NLRP4: variants seen among roughly 807,000 people sequenced by gnomAD.
NLRP4 encodes NLR family pyrin domain containing 4.
In NLRP4, 44 loss-of-function variants were observed where a neutral mutation model predicts 84.7. That is an observed-to-expected ratio of 0.52 (90% CI 0.41 to 0.67). The LOEUF is 0.67. NLRP4 is among the 30% of genes least tolerant of loss of function. The probability of loss-of-function intolerance (pLI) is 0.00; values close to 1 mark genes in which losing one functional copy is unlikely to be tolerated. For missense variants in NLRP4, 1,260 were observed against 1,219.4 expected (o/e 1.03, Z -0.50); for synonymous variants, 544 against 476.4 (o/e 1.14, Z -1.85).
Position 55,847,154 on chromosome 19 carries a change from AG to A in NLRP4, c.-65-4854del, listed in dbSNP as rs148650884. Among the ~76,000 whole-genome samples, 331 of 147,178 alleles carry A rather than the reference AG, an allele frequency of 2.2e-3. 3 individuals carry two copies. The highest frequency in any genetic ancestry group is 8.5e-3 in the African/African-American group (317 of 37,314). On this transcript the variant is annotated intron_variant, in intron 1 of 9. Transcript: ENST00000301295. ...TTCTCCAAATTACCTATTTTATTTG[AG>A]GGGGGGGCAGCAACATTCTGCCTAA... is the stretch of plus-strand genomic sequence containing the variant.
chr19:55,857,498 T>G, intron 2 of NLRP4, 176 bp from the exon 3 acceptor site: 1 of 608,650 alleles, frequency 1.6e-6, no homozygotes, highest in South Asian at 2.1e-5. Context: ...AATATACCCG[T>G]GAATGGTGTA....
chr19:55,861,870 C>G (rs774884621), intron 4 of NLRP4, 122 bp from the exon 5 acceptor site: 68 of 758,232 alleles, frequency 9.0e-5, no homozygotes, highest in Non-Finnish European at 1.5e-4. Context: ...AACTACTGAG[C>G]TGTGTCATTG....
rs566121087 is a variant in NLRP4 at position 55,878,542 on chromosome 19, G to A, written c.2697-252G>A. 5.9e-5 allele frequency among the ~76,000 whole-genome samples: 9 copies of A among 152,394 alleles called. No homozygotes were observed. The South Asian group carries it at 1.2e-3, about 21-fold the overall frequency. ...ATTATCCAAAGCAAGGTATGAAGCC[G>A]GAAATAGACTCTGTTAGTGGAATGA... is the stretch of plus-strand genomic sequence containing the variant. On this transcript the variant is annotated intron_variant, in intron 8 of 9. Coordinates refer to ENST00000301295, the MANE Select transcript of NLRP4 (RefSeq NM_134444.5).
Position 55,852,143 on chromosome 19 carries a change from G to A in NLRP4, c.63G>A (p.Glu21=). The A allele has an allele frequency of 6.2e-7, 1 of 1,607,146 alleles. No individual in the cohort carries two copies. The highest frequency in any genetic ancestry group is 8.5e-7 in the Non-Finnish European group (1 of 1,177,598). ...GGTATCTGGAGGAGCTCAAAAAGGA[G>A]GAGTTCAGGAAATTTAAAGAACATC... ...LMWYLEELKK[E]EFRKFKEHLK... Residue 21 remains glutamate, a synonymous_variant, in exon 2 of 10, where the codon GAG becomes GAA. Transcript: ENST00000301295.
In NLRP4 at chr19:55,881,627, G is replaced by C. The variant is rs1009987462; in HGVS notation, c.*40G>C. ...GGCTCTGACTCGAACACCTGCAAAG[G>C]ACAGGGACTGGGACCGTTACTTACA... On this transcript the variant is annotated 3_prime_UTR_variant, in exon 10 of 10. Coordinates refer to ENST00000301295, the MANE Select transcript of NLRP4 (RefSeq NM_134444.5). The C allele has an allele frequency of 2.1e-6, 2 of 948,792 alleles. No homozygotes were observed. Among genetic ancestry groups the C allele is most frequent in the Admixed American group, 3.7e-5 (2 of 54,130 alleles). The allele number at this position is 948,792 out of a possible 1,614,324, so 58.8% of individuals were successfully genotyped here. A position where few individuals can be genotyped will look rare whatever the true frequency, so the allele number is the denominator to read the frequency against.
chr19:55,848,047 C>G (rs1431106751), intron 1 of NLRP4, among the ~76,000 whole-genome samples: 1 of 152,042 alleles, frequency 6.6e-6, no homozygotes, highest in Non-Finnish European at 1.5e-5. Flanking sequence ...TGGACCTCAT[C>G]TAGGATCCCC....
At chr19:55,844,257 CAT>C (rs749940769) in intron 1 of NLRP4, among the ~76,000 whole-genome samples, 2 of 151,988 alleles carry the variant, frequency 1.3e-5, no homozygotes, top group Non-Finnish European at 1.5e-5. Flanking sequence ...TCCCTCTATT[CAT>C]ATGTGTCCAG....
At chr19:55,870,689 T>TA in intron 6 of NLRP4, 138 bp from the exon 7 acceptor site, 1 of 622,730 alleles carries the variant, frequency 1.6e-6, no homozygotes, top group Non-Finnish European at 2.8e-6. Context: ...AGGAGGTGTT[T>TA]TCAGATAATC....
chr19:55,860,645 GC>G (rs1468918636), intron 3 of NLRP4, among the ~76,000 whole-genome samples: 3 of 152,090 alleles, frequency 2.0e-5, no homozygotes, highest in African/African-American at 7.2e-5. Flanking sequence ...GGAAACTGGG[GC>G]AAAGAAGTCA....
At chr19:55,845,215 C>T (rs1983750484) in intron 1 of NLRP4, among the ~76,000 whole-genome samples, 2 of 132,754 alleles carry the variant, frequency 1.5e-5, no homozygotes, top group Non-Finnish European at 3.1e-5. Flanking sequence ...TGTGATGTTC[C>T]CCTTCCTGTG....
At chr19:55,838,234 A>C (rs1467147295) in intron 1 of NLRP4, among the ~76,000 whole-genome samples, 1 of 151,376 alleles carries the variant, frequency 6.6e-6, no homozygotes, top group Non-Finnish European at 1.5e-5. Flanking sequence ...CCTGGGAGGC[A>C]GAGGTTGCAG....
At position 55,870,996 on chromosome 19, in the gene NLRP4, T is replaced by G. The variant is rs766923125; in HGVS notation, c.2524T>G (p.Cys842Gly). ...KHPDCCLDSL[C>G]LVKCFITAAG... ...TCCGGACTGCTGCCTGGATTCACTGTGGTAGGCTTTTTGCTGTTTCTTTGA... is the reference window on the plus strand; with the variant it reads ...TCCGGACTGCTGCCTGGATTCACTGGGGTAGGCTTTTTGCTGTTTCTTTGA... Residue 842 changes from cysteine to glycine, a missense_variant and splice_region_variant, in exon 7 of 10, where the codon TGT (cysteine) becomes GGT (glycine). Physicochemically the swap from Cys to Gly is radical, Grantham distance 159. This residue lies in a region of NLRP4 where 544 missense variants were observed against 531.7 expected (regional missense o/e 1.02). Transcript: ENST00000301295. 9.3e-6 allele frequency: 15 copies of G among 1,613,340 alleles called. No individual in the cohort carries two copies. The highest frequency in any genetic ancestry group is 1.3e-5 in the Non-Finnish European group (15 of 1,179,476).
At chr19:55,874,148 T>C (rs1399467219) in intron 7 of NLRP4, among the ~76,000 whole-genome samples, 1 of 145,424 alleles carries the variant, frequency 6.9e-6, no homozygotes, top group Non-Finnish European at 1.5e-5. Flanking sequence ...ACATGTAATA[T>C]TAAATTTTCA....
chr19:55,854,009 G>A (rs926794635), intron 2 of NLRP4, among the ~76,000 whole-genome samples: 4 of 149,742 alleles, frequency 2.7e-5, no homozygotes, highest in Non-Finnish European at 4.4e-5. Context: ...ACGCTCTGTC[G>A]CCCAGGCTGG....
chr19:55,849,388 C>A (rs1391354697), intron 1 of NLRP4, among the ~76,000 whole-genome samples: 4 of 152,172 alleles, frequency 2.6e-5, no homozygotes, highest in Non-Finnish European at 5.9e-5. Context: ...TTCCAGGGAT[C>A]ATTTCTATAG....
chr19:55,872,038 C>CGG (rs2123060279), intron 7 of NLRP4, among the ~76,000 whole-genome samples: 1 of 151,946 alleles, frequency 6.6e-6, no homozygotes, highest in South Asian at 2.1e-4. Context: ...TTAGTAGAGA[C>CGG]GGGGTTTCAC....
chr19:55,881,497 AACCC>A lies in NLRP4; in HGVS notation c.2897_2900del (p.Thr966ArgfsTer4). On this transcript the variant is annotated frameshift_variant, in exon 10 of 10. Transcript: ENST00000301295. LOFTEE classifies it low-confidence loss of function (END_TRUNC). Reference sequence around the variant, plus strand: ...TGAGAAAAACTGATTTTGATGAGGAAACCCAGGCACTTCTGACGGCTGAGGAAGA... The same window carrying A: ...TGAGAAAAACTGATTTTGATGAGGAAAGGCACTTCTGACGGCTGAGGAAGA... The A allele has an allele frequency of 6.2e-7, 1 of 1,603,786 alleles. No homozygotes were observed.
chr19:55,848,494 C>T (rs1983887242), intron 1 of NLRP4, among the ~76,000 whole-genome samples: 1 of 152,138 alleles, frequency 6.6e-6, no homozygotes, highest in Non-Finnish European at 1.5e-5. Flanking sequence ...ACCTCCACCT[C>T]CTGGGTTCAA....
intron 2 of NLRP4, among the ~76,000 whole-genome samples, chr19:55,857,215 GTC>G (rs1301331184): frequency 6.6e-6 from 1 of 152,102 alleles, no homozygotes; most frequent in Non-Finnish European, 1.5e-5. Context: ...CTGTGTATGT[GTC>G]TATTGAAAGC....
Sources: gnomAD v4.1 joint callset for allele counts (sites outside exome capture counted in the v4.1 genomes callset) on GRCh38, gnomAD v4.1.1 for gene constraint, gnomAD v4.1.1 regional missense constraint, MANE v1.5 for transcripts, NCBI Gene and HGNC (gene_info 2026-07-23, HGNC 2026-07-21) for gene names.